RTN4: variants seen among roughly 807,000 people sequenced by gnomAD.
RTN4 encodes the protein reticulon-4.
In RTN4, 32 loss-of-function variants were observed where a neutral mutation model predicts 90.4. That is an observed-to-expected ratio of 0.35 (90% confidence interval 0.27 to 0.48). RTN4 has a LOEUF of 0.48. Ranked by LOEUF, RTN4 falls within the 20% of genes least tolerant of loss-of-function variation. The pLI, the probability that RTN4 is intolerant of heterozygous loss-of-function variation, is 0.99. For synonymous variants in RTN4, 629 were observed against 552.5 expected (o/e 1.14, Z -1.94); for missense variants, 1,706 against 1,430.2 (o/e 1.19, Z -3.11).
intron 1 of RTN4, among the ~76,000 whole-genome samples, chr2:55,110,421 C>T (rs1175096871): frequency 1.3e-5 from 2 of 152,040 alleles, no homozygotes; most frequent in Non-Finnish European, 2.9e-5. Flanking sequence ...CCCTTCTCAC[C>T]TTCCATTTCC....
chr2:54,975,273 C>G (rs1244218311), intron 5 of RTN4, among the ~76,000 whole-genome samples: 1 of 152,218 alleles, frequency 6.6e-6, no homozygotes, highest in Non-Finnish European at 1.5e-5. Flanking sequence ...TTTGAAGGAT[C>G]AGGCACAAAG....
Position 55,036,599 on chromosome 2 carries a change from CAAAAAAAA to C in RTN4, c.557-8387_557-8380del, listed in dbSNP as rs71410411. 8.1e-4 allele frequency among the ~76,000 whole-genome samples: 59 copies of C among 72,996 alleles called. 1 individual carries two copies. In the East Asian group the frequency reaches 0.014, roughly 18 times the overall value. The allele number at this position is 72,996 out of a possible 152,430, so 47.9% of individuals were successfully genotyped here. On this transcript the variant is annotated intron_variant, in intron 1 of 8. Transcript: ENST00000337526. The stretch of plus-strand genomic sequence containing the variant: ...CCCAGGCAACAGAGCAAGACTGTCT[CAAAAAAAA>C]AAAAAAAAAAAAAAAAATTAAAAAA...
At chr2:55,110,203 T>C (rs1033853217) in intron 1 of RTN4, among the ~76,000 whole-genome samples, 20 of 151,064 alleles carry the variant, frequency 1.3e-4, no homozygotes, top group African/African-American at 4.9e-4. Context: ...CCCAGCTACG[T>C]GTGAGGCTGA....
intron 1 of RTN4, among the ~76,000 whole-genome samples, chr2:55,098,393 A>G (rs1192942010): frequency 2.0e-5 from 3 of 152,132 alleles, no homozygotes; most frequent in Non-Finnish European, 2.9e-5. Flanking sequence ...ATAATTTAAA[A>G]CCATTATGTA....
chr2:55,134,915 T>A, the RTN4 span, among the ~76,000 whole-genome samples: 1 of 152,194 alleles, frequency 6.6e-6, no homozygotes, highest in South Asian at 2.1e-4. Context: ...TAGCCACTTG[T>A]CACATGTGTC....
chr2:55,081,131 G>A (rs189569698), intron 1 of RTN4, among the ~76,000 whole-genome samples: 5 of 152,160 alleles, frequency 3.3e-5, no homozygotes, highest in Non-Finnish European at 7.4e-5. Context: ...CTGGAGCGCA[G>A]TGGCATGATC....
chr2:55,089,543 G>A (rs766258764), intron 1 of RTN4, among the ~76,000 whole-genome samples: 55 of 152,312 alleles, frequency 3.6e-4, no homozygotes, highest in African/African-American at 8.4e-4. Context: ...TATCAATTAC[G>A]GAAAAATCTG....
In RTN4 at chr2:54,982,652, C is replaced by T. The variant is rs371752022; in HGVS notation, c.3223G>A (p.Ala1075Thr). ...QKSDEGHPFR[A>T]YLESEVAISE... is the part of the protein sequence containing the mutation. ...ATAGCAACTTCAGATTCCAGATATG[C>T]CCTAGAAAACAAAACACATCATAAT... Residue 1075 changes from alanine (A) to threonine (T), a missense_variant and splice_region_variant, in exon 5 of 9, where the codon GCA (alanine) becomes ACA (threonine). Transcript: ENST00000337526. 2.5e-6 allele frequency: 4 copies of T among 1,601,594 alleles called. No homozygotes were observed. Among genetic ancestry groups the T allele is most frequent in the East Asian group, 4.5e-5 (2 of 44,510 alleles).
intron 1 of RTN4, among the ~76,000 whole-genome samples, chr2:55,042,477 G>A (rs1282379871): frequency 1.3e-5 from 2 of 152,056 alleles, no homozygotes; most frequent in African/African-American, 4.8e-5. Context: ...AAGTGAAAAG[G>A]ATATACATGT....
chr2:55,019,138 T>C (rs1267969443), intron 3 of RTN4, among the ~76,000 whole-genome samples: 4 of 152,056 alleles, frequency 2.6e-5, no homozygotes, highest in African/African-American at 9.7e-5. Flanking sequence ...CATAAACCAT[T>C]GGAAAGAAAA....
rs150779063 is a variant in RTN4 at position 55,022,896 on chromosome 2, AACACACACACACAC to A, written c.3013+2176_3013+2189del. Among the ~76,000 whole-genome samples the A allele has an allele frequency of 7.3e-5, 10 of 137,390 alleles. No individual in the cohort carries two copies. In the East Asian group the frequency reaches 1.8e-3, roughly 24 times the overall value. The allele number at this position is 137,390 out of a possible 152,430, so 90.1% of individuals were successfully genotyped here. A position where few individuals can be genotyped will look rare whatever the true frequency, so the allele number is the denominator to read the frequency against. On this transcript the variant is annotated intron_variant, in intron 3 of 8. Coordinates refer to ENST00000337526, the MANE Select transcript of RTN4 (RefSeq NM_020532.5). The stretch of plus-strand genomic sequence containing the variant: ...CTCTGAAATTCTAAATTCAACATCC[AACACACACACACAC>A]ACACACACACACACACACACCCTGC...
At chr2:55,035,165 A>C (rs946023002) in intron 1 of RTN4, among the ~76,000 whole-genome samples, 1 of 152,212 alleles carries the variant, frequency 6.6e-6, no homozygotes, top group African/African-American at 2.4e-5. Context: ...TTTAGGCCCC[A>C]CTACCAATGA....
chr2:55,044,785 T>TAAAAA (rs10639848), intron 1 of RTN4, among the ~76,000 whole-genome samples: 123 of 65,600 alleles, frequency 1.9e-3, no homozygotes, highest in East Asian at 5.0e-3. Flanking sequence ...TGCAAATCAC[T>TAAAAA]AAAAAAAAAA....
At chr2:55,107,983 T>C (rs747360633) in intron 1 of RTN4, among the ~76,000 whole-genome samples, 3 of 152,000 alleles carry the variant, frequency 2.0e-5, no homozygotes, top group Non-Finnish European at 4.4e-5. Flanking sequence ...GATGGAGTCT[T>C]GCTCTGTATA....
At chr2:55,102,012 T>C (rs1327045614) in intron 1 of RTN4, among the ~76,000 whole-genome samples, 3 of 152,166 alleles carry the variant, frequency 2.0e-5, no homozygotes, top group Non-Finnish European at 4.4e-5. Flanking sequence ...CACTTTTAGA[T>C]GTGACATCTG....
the RTN4 span, among the ~76,000 whole-genome samples, chr2:55,136,227 C>T: frequency 6.6e-6 from 1 of 152,168 alleles, no homozygotes; most frequent in Non-Finnish European, 1.5e-5. Context: ...CTATAACCTT[C>T]CTCCAGGAAC....
intron 3 of RTN4, among the ~76,000 whole-genome samples, chr2:55,011,685 C>T (rs1267115690): frequency 6.6e-6 from 1 of 151,512 alleles, no homozygotes; most frequent in Admixed American, 6.6e-5. Context: ...TATTATGTAC[C>T]CAAAAAAACT....
At chr2:55,129,707 G>A in the RTN4 span, among the ~76,000 whole-genome samples, 23 of 151,898 alleles carry the variant, frequency 1.5e-4, no homozygotes, top group Non-Finnish European at 2.9e-4. Context: ...GACTACAGGC[G>A]CTTGCCACCA....
chr2:55,018,712 G>C (rs1028553875), intron 3 of RTN4, among the ~76,000 whole-genome samples: 16 of 152,036 alleles, frequency 1.1e-4, no homozygotes, highest in Admixed American at 6.5e-4. Context: ...TAGAATTAGA[G>C]GTATCTATGT....
Sources: gnomAD v4.1 joint callset for allele counts (sites outside exome capture counted in the v4.1 genomes callset) on GRCh38, gnomAD v4.1.1 for gene constraint, MANE v1.5 for transcripts, NCBI Gene and HGNC (gene_info 2026-07-23, HGNC 2026-07-21) for gene names.